The following NBPF12 variants were observed in gnomAD, a reference collection of about 807,000 sequenced individuals.
NBPF12 encodes NBPF family member NBPF12.
In NBPF12, 115 loss-of-function variants were observed where a neutral mutation model predicts 146.4. The ratio of observed to expected loss-of-function variants is 0.79; its 90% CI spans 0.68 to 0.92. NBPF12 has a LOEUF of 0.92. Ranked by LOEUF, NBPF12 falls within the 40% of genes least tolerant of loss-of-function variation. NBPF12 has a pLI of 0.00. For missense variants in NBPF12, 1,205 were observed against 1,326.8 expected (o/e 0.91, Z 1.43); for synonymous variants, 385 against 508.9 (o/e 0.76, Z 3.28).
exon 34 of NBPF12, chr1:146,994,412 T>C (rs782698285): frequency 2.5e-6 from 4 of 1,612,206 alleles, no homozygotes; most frequent in African/African-American, 1.3e-5. Flanking sequence ...ACTCCATCAA[T>C]GTACTTTGAA....
intron 2 of NBPF12, among the ~76,000 whole-genome samples, chr1:146,952,258 G>T (rs1250092248): frequency 6.6e-6 from 1 of 152,102 alleles, no homozygotes; most frequent in Non-Finnish European, 1.5e-5. Flanking sequence ...AGGCTTGTGG[G>T]CTCTGTCTGG....
chr1:146,960,890 G>A (rs1462220790), intron 4 of NBPF12, among the ~76,000 whole-genome samples: 8 of 152,154 alleles, frequency 5.3e-5, no homozygotes, highest in African/African-American at 1.7e-4. Flanking sequence ...GCTCACTCCT[G>A]TAATCTCAGC....
At chr1:146,953,391 G>C (rs1333952456) in intron 2 of NBPF12, among the ~76,000 whole-genome samples, 5 of 140,330 alleles carry the variant, frequency 3.6e-5, no homozygotes, top group Non-Finnish European at 4.6e-5. Context: ...CTTCTTGACT[G>C]GGGGGAGATT....
chr1:146,964,526 G>A (rs1553885271), intron 7 of NBPF12, 97 bp downstream of exon 10: 38 of 1,573,706 alleles, frequency 2.4e-5, no homozygotes, highest in East Asian at 1.8e-4. Flanking sequence ...CCAAAAGCCC[G>A]CATTCCCTTG....
exon 14 of NBPF12, chr1:146,972,882 C>G (rs2101882150): frequency 2.7e-6 from 3 of 1,119,264 alleles, no homozygotes; most frequent in East Asian, 4.7e-5. Context: ...AGAGAAGAAA[C>G]AGCAGTTCAG....
chr1:146,994,489 G>C lies in NBPF12; in HGVS notation c.4288G>C (p.Ala1430Pro), dbSNP rs782386098. 4.4e-6 allele frequency: 7 copies of C among 1,608,786 alleles called. No homozygotes were observed. In the African/African-American group the frequency reaches 6.8e-5, roughly 16 times the overall value. The change falls in exon 34 of 34, where the codon GCC becomes CCC. Residue 1430 changes from alanine to proline, a missense_variant. Around this residue, in one of 16 missense-constraint regions of NBPF12, gnomAD observed 210 missense variants for 94.4 expected, o/e 2.22. Coordinates refer to ENST00000617844, the Ensembl canonical transcript of NBPF12. ...ATTTGAGGAACAGCACATCACCTTTGCCCTTGACATGGACAATAGCTTTTT... is the reference window on the plus strand; with the variant it reads ...ATTTGAGGAACAGCACATCACCTTTCCCCTTGACATGGACAATAGCTTTTT...
At position 146,964,347 on chromosome 1, in the gene NBPF12, G is replaced by C. The variant is rs1278235175; in HGVS notation, c.494-10G>C. ...TGGGACATATCTGAATGAACATTTT[G>C]TATTTATAGAAAATGATGAAGATGA... On this transcript the variant is annotated splice_polypyrimidine_tract_variant and intron_variant, in intron 6 of 33. Coordinates refer to ENST00000617844, the Ensembl canonical transcript of NBPF12. 1.2e-6 allele frequency: 2 copies of C among 1,602,474 alleles called. No individual in the cohort carries two copies. Among genetic ancestry groups the C allele is most frequent in the Admixed American group, 1.7e-5 (1 of 59,958 alleles).
Position 146,958,028 on chromosome 1 carries a change from A to G in NBPF12, c.-183-1831A>G, listed in dbSNP as rs1398531953. On this transcript the variant is annotated intron_variant, in intron 2 of 33. Coordinates refer to ENST00000617844, the Ensembl canonical transcript of NBPF12. The stretch of plus-strand genomic sequence containing the variant: ...ATGTGTATATATAAATAATACATAT[A>G]CACGTGTATATATATTATATACATA... Among the ~76,000 whole-genome samples the G allele has an allele frequency of 6.1e-5, 7 of 115,080 alleles. 1 individual carries two copies. Among genetic ancestry groups the G allele is most frequent in the Non-Finnish European group, 1.1e-4 (6 of 54,206 alleles). The allele number at this position is 115,080 out of a possible 152,430, so 75.5% of individuals were successfully genotyped here. A position where few individuals can be genotyped will look rare whatever the true frequency, so the allele number is the denominator to read the frequency against.
In NBPF12 at chr1:146,965,879, G is replaced by C. The variant is rs1347522863; in HGVS notation, c.779-585G>C. 1.2e-3 allele frequency among the ~76,000 whole-genome samples: 177 copies of C among 150,680 alleles called. 2 individuals are homozygous for C. The highest frequency in any genetic ancestry group is 1.9e-3 in the Non-Finnish European group (127 of 67,878). ...TCCCAGCACTTTGAGAGGCCGAGGTGGGCGGAACACCTGAGCTCAGGAGAT... is the reference window on the plus strand; with the variant it reads ...TCCCAGCACTTTGAGAGGCCGAGGTCGGCGGAACACCTGAGCTCAGGAGAT... On this transcript the variant is annotated intron_variant, in intron 8 of 33. Coordinates refer to ENST00000617844, the Ensembl canonical transcript of NBPF12.
upstream of NBPF12, among the ~76,000 whole-genome samples, chr1:146,948,852 C>T (rs1373699426): frequency 1.7e-4 from 25 of 150,954 alleles, no homozygotes; most frequent in Non-Finnish European, 4.4e-5. Context: ...GTGTAAAGCC[C>T]GATTGTATAT....
At chr1:146,979,992 G>A (rs1657266125) in intron 19 of NBPF12, among the ~76,000 whole-genome samples, 1 of 123,380 alleles carries the variant, frequency 8.1e-6, no homozygotes, top group Non-Finnish European at 1.7e-5. Context: ...ATGAATCTGG[G>A]TGCTCCTGTA....
At chr1:146,969,721 C>T in intron 11 of NBPF12, 125 bp downstream of exon 14, 1 of 1,552,264 alleles carries the variant, frequency 6.4e-7, no homozygotes, top group Non-Finnish European at 8.8e-7. Flanking sequence ...GTGGCCATGA[C>T]ATGACCAGGA....
chr1:146,970,580 C>T lies in NBPF12; in HGVS notation c.1307-67C>T, dbSNP rs1553886241. The T allele has an allele frequency of 1.6e-5, 25 of 1,555,838 alleles. No individual in the cohort carries two copies. The East Asian group carries it at 2.9e-4, about 18-fold the overall frequency. Reference sequence around the variant, plus strand: ...ACATAGATGTTCATGTCTCTGTGCACGTTGGGCTGACTGTGCTTGCAGAAT... The same window carrying T: ...ACATAGATGTTCATGTCTCTGTGCATGTTGGGCTGACTGTGCTTGCAGAAT... On this transcript the variant is annotated intron_variant, in intron 11 of 33. Transcript: ENST00000617844.
At chr1:146,969,715 C>T (rs1190409535) in intron 11 of NBPF12, 119 bp downstream of exon 14, 5 of 1,554,578 alleles carry the variant, frequency 3.2e-6, no homozygotes, top group Non-Finnish European at 4.4e-6. Flanking sequence ...ACATGTGTGG[C>T]CATGACATGA....
chr1:146,988,653 AGTTTC>A (rs1657950334), intron 26 of NBPF12, among the ~76,000 whole-genome samples, 183 bp from the exon 30 acceptor site: 1 of 151,506 alleles, frequency 6.6e-6, no homozygotes, highest in Admixed American at 6.6e-5. Flanking sequence ...TTTTACCCAG[AGTTTC>A]TGGGAGAAAA....
At chr1:146,961,012 G>T (rs1224411806) in intron 4 of NBPF12, among the ~76,000 whole-genome samples, 1 of 152,080 alleles carries the variant, frequency 6.6e-6, no homozygotes, top group Non-Finnish European at 1.5e-5. Flanking sequence ...TGGGCGTCGT[G>T]GCGGGCAACT....
chr1:146,984,366 C>G (rs1324187922), intron 21 of NBPF12, among the ~76,000 whole-genome samples, 181 bp downstream of exon 24: 2 of 149,626 alleles, frequency 1.3e-5, no homozygotes, highest in African/African-American at 2.5e-5. Context: ...TTCTTCCTAC[C>G]CTTATCATTT....
At chr1:146,987,462 C>T (rs1482489568) in intron 25 of NBPF12, among the ~76,000 whole-genome samples, 177 bp downstream of exon 28, 1 of 152,086 alleles carries the variant, frequency 6.6e-6, no homozygotes, top group Non-Finnish European at 1.5e-5. Context: ...ATTTCTTCCT[C>T]CCCTTATCAT....
At chr1:146,984,396 A>G (rs1282685637) in intron 21 of NBPF12, among the ~76,000 whole-genome samples, 2 of 149,214 alleles carry the variant, frequency 1.3e-5, no homozygotes, top group Admixed American at 6.7e-5. Context: ...GTGAAGGTTG[A>G]CCATACCTCA....
Sources: allele counts gnomAD v4.1 joint callset (sites outside exome capture counted in the v4.1 genomes callset), GRCh38; gene constraint gnomAD v4.1.1; regional missense constraint gnomAD v4.1.1; transcripts MANE v1.5; gene names NCBI Gene and HGNC (gene_info 2026-07-23, HGNC 2026-07-21).